NBEAL2: variants seen among roughly 807,000 people sequenced by gnomAD.
The protein encoded by NBEAL2 is neurobeachin like 2, also known as neurobeachin-like protein 2.
NBEAL2 carries 160 observed loss-of-function variants against 299.8 expected under a neutral mutation model. The observed-to-expected ratio is 0.53, with a 90% CI of 0.47 to 0.61. The LOEUF is 0.61. Ranked by LOEUF, NBEAL2 falls within the 20% of genes least tolerant of loss-of-function variation. The pLI is 0.00. For missense variants in NBEAL2, 3,112 were observed against 3,649.0 expected (o/e 0.85, Z 3.79); for synonymous variants, 1,493 against 1,542.3 (o/e 0.97, Z 0.75).
At position 47,009,281 on chromosome 3, in the gene NBEAL2, C is replaced by T; in HGVS notation, c.8226C>T (p.Ser2742=). The change falls in exon 54 of 54, where the codon TCC becomes TCT. Residue 2742 remains serine (S), a synonymous_variant. Coordinates refer to ENST00000450053, the MANE Select transcript of NBEAL2 (RefSeq NM_015175.3). ...CCTCGCGGCGCATCTCCCAGGTGTC[C>T]TCGGGAGAGACGGAATACAACCCTA... is the stretch of plus-strand genomic sequence containing the variant. ...WRSSRRISQV[S]SGETEYNPTE... 1.2e-6 allele frequency: 2 copies of T among 1,602,078 alleles called. No individual in the cohort carries two copies. Among genetic ancestry groups the T allele is most frequent in the Non-Finnish European group, 1.7e-6 (2 of 1,175,632 alleles).
In NBEAL2 at chr3:46,998,758, C is replaced by T. The variant is rs938486636; in HGVS notation, c.3263C>T (p.Thr1088Ile). Residue 1088 changes from threonine (T) to isoleucine (I), a missense_variant, in exon 23 of 54, where the codon ACC becomes ATC. Physicochemically the swap from Thr to Ile is moderately conservative, Grantham distance 89. Transcript: ENST00000450053. ...ERPLAADDLR[T>I]VQTSLLGLAR... ...CCCCTGGCTGCTGACGACCTACGCACCGTGCAGACCTCCCTCCTGGGCCTG... is the reference window on the plus strand; with the variant it reads ...CCCCTGGCTGCTGACGACCTACGCATCGTGCAGACCTCCCTCCTGGGCCTG... 1.0e-5 allele frequency: 16 copies of T among 1,580,184 alleles called. No homozygotes were observed. Among genetic ancestry groups the T allele is most frequent in the Non-Finnish European group, 1.4e-5 (16 of 1,163,278 alleles).
chr3:47,009,285 GGA>G lies in NBEAL2; in HGVS notation c.8235_8236del (p.Glu2745AspfsTer7). Reference protein sequence around the residue: ...SSRRISQVSSGETEYNPTEAR With the variant: ...SSRRISQVSSXETEYNPTEAR ...GCGGCGCATCTCCCAGGTGTCCTCG[GGA>G]GAGACGGAATACAACCCTACTGAGG... On this transcript the variant is annotated frameshift_variant, in exon 54 of 54. Coordinates refer to ENST00000450053, the MANE Select transcript of NBEAL2 (RefSeq NM_015175.3). LOFTEE classifies it high-confidence loss of function. 6.2e-7 allele frequency: 1 copy of G among 1,601,698 alleles called. No individual in the cohort carries two copies. Among genetic ancestry groups the G allele is most frequent in the Non-Finnish European group, 8.5e-7 (1 of 1,175,462 alleles).
At position 47,002,506 on chromosome 3, in the gene NBEAL2, C is replaced by T. The variant is rs1426091946; in HGVS notation, c.5287C>T (p.Arg1763Cys). Residue 1763 changes from arginine (R) to cysteine (C), a missense_variant, in exon 32 of 54, where the codon CGT becomes TGT. Coordinates refer to ENST00000450053, the MANE Select transcript of NBEAL2 (RefSeq NM_015175.3). Reference protein sequence around the residue: ...QRRQWERAQSRRAFQELVLEP... With the variant: ...QRRQWERAQSCRAFQELVLEP... ...GCGCCAGTGGGAGCGCGCCCAGAGT[C>T]GTCGGGCCTTCCAGGTGTGCCACCC... The T allele has an allele frequency of 1.2e-6, 2 of 1,612,554 alleles. No individual in the cohort carries two copies. Among genetic ancestry groups the T allele is most frequent in the Admixed American group, 1.7e-5 (1 of 59,998 alleles).
At chr3:46,999,544 G>A in intron 25 of NBEAL2, 70 bp downstream of exon 25, 1 of 1,590,706 alleles carries the variant, frequency 6.3e-7, no homozygotes, top group South Asian at 1.1e-5. Flanking sequence ...GCCGGAAGAA[G>A]GAAGATAGTG....
At chr3:46,992,041 G>A in intron 9 of NBEAL2, 95 bp downstream of exon 9, 1 of 1,124,114 alleles carries the variant, frequency 8.9e-7, no homozygotes, top group Non-Finnish European at 1.3e-6. Context: ...AACATGGGCT[G>A]GACAGAGTCA....
At position 46,991,093 on chromosome 3, in the gene NBEAL2, C is replaced by A; in HGVS notation, c.557-126C>A. ...GCAGAGCCAGCTCTTATCCCTCACACTGGATCTTTTACTTGGCCCAGCTCC... is the reference window on the plus strand; with the variant it reads ...GCAGAGCCAGCTCTTATCCCTCACAATGGATCTTTTACTTGGCCCAGCTCC... On this transcript the variant is annotated intron_variant, in intron 6 of 53. Transcript: ENST00000450053. This position sits in a 1 kb window ranked among gnomAD's most constrained non-coding sequence, Gnocchi z 6.2. 1 of 793,054 alleles carries A rather than the reference C, an allele frequency of 1.3e-6. No homozygotes were observed. The highest frequency in any genetic ancestry group is 1.6e-5 in the South Asian group (1 of 62,110). 49.1% of individuals were successfully genotyped at this position (793,054 alleles called of 1,614,324 possible). A position where few individuals can be genotyped will look rare whatever the true frequency, so the allele number is the denominator to read the frequency against.
rs2037415464 is a variant in NBEAL2, at chr3:47,006,021, G to A, written c.6877G>A (p.Ala2293Thr). The A allele has an allele frequency of 4.3e-6, 7 of 1,613,626 alleles. No homozygotes were observed. The highest frequency in any genetic ancestry group is 5.1e-6 in the Non-Finnish European group (6 of 1,179,900). Reference sequence around the variant, plus strand: ...TGGCTACAAGCAGCGGGGGCCAGCCGCCGAGGAGGCCCTCAATGTCTTCTA... The same window carrying A: ...TGGCTACAAGCAGCGGGGGCCAGCCACCGAGGAGGCCCTCAATGTCTTCTA... ...IFGYKQRGPA[A>T]EEALNVFYYC... The change falls in exon 43 of 54, where the codon GCC (alanine) becomes ACC (threonine). Residue 2293 changes from alanine (A) to threonine (T), a missense_variant. Ala to Thr is a moderately conservative substitution (Grantham distance 58). Transcript: ENST00000450053.
Position 47,002,029 on chromosome 3 carries a change from G to T in NBEAL2, c.4892G>T (p.Arg1631Leu). Reference protein sequence around the residue: ...VLSKLEAALGRVLNTSSLESA... With the variant: ...VLSKLEAALGLVLNTSSLESA... ...TCCAAGCTGGAGGCTGCACTGGGGC[G>T]GGTGCTGAACACCTCTTCCTTGGAG... The change falls in exon 31 of 54, where the codon CGG becomes CTG. Residue 1631 changes from arginine (R) to leucine (L), a missense_variant. Arg to Leu is a moderately radical substitution (Grantham distance 102). Around this residue, in one of 3 missense-constraint regions of NBEAL2, gnomAD observed 2,243 missense variants for 2,538.1 expected, o/e 0.88. Coordinates refer to ENST00000450053, the MANE Select transcript of NBEAL2 (RefSeq NM_015175.3). The T allele has an allele frequency of 6.4e-7, 1 of 1,569,772 alleles. No homozygotes were observed.
intron 1 of NBEAL2, among the ~76,000 whole-genome samples, chr3:46,984,670 T>C (rs1255211795): frequency 6.6e-6 from 1 of 152,142 alleles, no homozygotes; most frequent in Non-Finnish European, 1.5e-5. Flanking sequence ...CACTTCTGCT[T>C]GTCTGTCCCT....
rs768252432 is a variant in NBEAL2, at chr3:46,988,990, T to C, written c.269+20T>C. On this transcript the variant is annotated intron_variant, in intron 3 of 53. Coordinates refer to ENST00000450053, the MANE Select transcript of NBEAL2 (RefSeq NM_015175.3). The surrounding 1 kb of genome is among the most constrained non-coding windows in gnomAD (Gnocchi z 4.4). Reference sequence around the variant, plus strand: ...CTGCAGGTGTCTCTGTTGTCCACTCTACAAGCAGGGGCCTAGAACTGTGGG... The same window carrying C: ...CTGCAGGTGTCTCTGTTGTCCACTCCACAAGCAGGGGCCTAGAACTGTGGG... The C allele has an allele frequency of 1.2e-6, 2 of 1,612,740 alleles. No individual in the cohort carries two copies. The highest frequency in any genetic ancestry group is 1.7e-6 in the Non-Finnish European group (2 of 1,179,362).
Position 47,001,072 on chromosome 3 carries a change from A to G in NBEAL2, c.4377A>G (p.Glu1459=). The change falls in exon 28 of 54, where the codon GAA becomes GAG. Residue 1459 remains glutamate, a synonymous_variant. Transcript: ENST00000450053. The surrounding 1 kb of genome is among the most constrained non-coding windows in gnomAD (Gnocchi z 6.1). ...TCTCGGTGACGTGGCGTGGCGTGGA[A>G]GGCAGCGATGAGGCTGCCTGGCGGG... ...VLFSVTWRGV[E]GSDEAAWRER... 1 of 1,612,622 alleles carries G rather than the reference A, an allele frequency of 6.2e-7. No homozygotes were observed. The highest frequency in any genetic ancestry group is 8.5e-7 in the Non-Finnish European group (1 of 1,179,470).
rs747427082 is a variant in NBEAL2 at position 46,998,213 on chromosome 3, C to T, written c.3105C>T (p.Phe1035=). Residue 1035 remains phenylalanine (F), a synonymous_variant, in exon 21 of 54, where the codon TTC becomes TTT. Transcript: ENST00000450053. The stretch of plus-strand genomic sequence containing the variant: ...TTCACCTCTGGACCCTCAGTGACTT[C>T]GCCGTGCGCCTCGGTAGGTGTGAGG... ...FNFHLWTLSD[F]AVRLGHIQYM... is the part of the protein sequence containing the mutation. 4.8e-5 allele frequency: 77 copies of T among 1,609,818 alleles called. No homozygotes were observed. Among genetic ancestry groups the T allele is most frequent in the South Asian group, 1.4e-4 (13 of 90,258 alleles).
rs2037357586 is a variant in NBEAL2, at chr3:47,005,443, G to A, written c.6561-46G>A. On this transcript the variant is annotated intron_variant, in intron 40 of 53. Coordinates refer to ENST00000450053, the MANE Select transcript of NBEAL2 (RefSeq NM_015175.3). Reference sequence around the variant, plus strand: ...CTCCAGCCACAGCATCTCCCTCCCTGTCTCCATTCTCCCCACCTCACCTTG... The same window carrying A: ...CTCCAGCCACAGCATCTCCCTCCCTATCTCCATTCTCCCCACCTCACCTTG... 1.9e-6 allele frequency: 3 copies of A among 1,596,452 alleles called. No homozygotes were observed. In the African/African-American group the frequency reaches 4.0e-5, roughly 21 times the overall value.
intron 6 of NBEAL2, among the ~76,000 whole-genome samples, chr3:46,990,629 C>T (rs1305507392): frequency 6.6e-6 from 1 of 152,364 alleles, no homozygotes; most frequent in African/African-American, 2.4e-5. Context: ...GGCATGTGAC[C>T]CGGGGCTAGT....
At chr3:47,006,097 G>T (rs767353304) in intron 43 of NBEAL2, 34 bp downstream of exon 43, 1 of 1,612,934 alleles carries the variant, frequency 6.2e-7, no homozygotes, top group Non-Finnish European at 8.5e-7. Flanking sequence ...TCAGGGCCAG[G>T]ACAAGATCAG....
At position 46,991,206 on chromosome 3, in the gene NBEAL2, C is replaced by A. The variant is rs376711234; in HGVS notation, c.557-13C>A. On this transcript the variant is annotated splice_polypyrimidine_tract_variant and intron_variant, in intron 6 of 53. Coordinates refer to ENST00000450053, the MANE Select transcript of NBEAL2 (RefSeq NM_015175.3). The surrounding 1 kb of genome is among the most constrained non-coding windows in gnomAD (Gnocchi z 6.2). Reference sequence around the variant, plus strand: ...CCTTGGTGACATTACCCTGCCCACACCCCCCTACCCAGAGAGCCTACAGAA... The same window carrying A: ...CCTTGGTGACATTACCCTGCCCACAACCCCCTACCCAGAGAGCCTACAGAA... 1.3e-6 allele frequency: 2 copies of A among 1,594,684 alleles called. No individual in the cohort carries two copies. The highest frequency in any genetic ancestry group is 1.3e-5 in the African/African-American group (1 of 74,506).
In NBEAL2 at chr3:46,996,041, C is replaced by T; in HGVS notation, c.2141C>T (p.Ser714Phe). The change falls in exon 15 of 54, where the codon TCC becomes TTC. Residue 714 changes from serine to phenylalanine, a missense_variant. Ser to Phe is a radical substitution (Grantham distance 155). This residue lies in a region of NBEAL2 where 2,243 missense variants were observed against 2,538.1 expected (regional missense o/e 0.88). Transcript: ENST00000450053. ...AAGACAGCACCCCTTCGCTGCCCCT[C>T]CCTCAGTGAGGTGTGCCAAGCAAGG... ...LVKTAPLRCP[S>F]LSEPFSSCCI... is the part of the protein sequence containing the mutation. 6.2e-7 allele frequency: 1 copy of T among 1,606,498 alleles called. No individual in the cohort carries two copies. Among genetic ancestry groups the T allele is most frequent in the Non-Finnish European group, 8.5e-7 (1 of 1,176,684 alleles).
At chr3:46,997,213 G>A (rs1268593768) in intron 18 of NBEAL2, 46 bp from the exon 19 acceptor site, 1 of 1,608,462 alleles carries the variant, frequency 6.2e-7, no homozygotes, top group Admixed American at 1.7e-5. Context: ...AGTAGGGCAG[G>A]AAACTGGCTG....
chr3:46,983,366 A>G (rs2035481723), intron 1 of NBEAL2, among the ~76,000 whole-genome samples: 2 of 149,936 alleles, frequency 1.3e-5, no homozygotes, highest in African/African-American at 2.5e-5. Flanking sequence ...CTGGAGTGCA[A>G]TGGCATGGTC....
Sources: allele counts gnomAD v4.1 joint callset (sites outside exome capture counted in the v4.1 genomes callset), GRCh38; gene constraint gnomAD v4.1.1; regional missense constraint gnomAD v4.1.1; non-coding constraint Gnocchi (gnomAD v3.1); transcripts MANE v1.5; gene names NCBI Gene and HGNC (gene_info 2026-07-23, HGNC 2026-07-21).